The following CTNNA3 variants were observed in gnomAD, a reference collection of about 807,000 sequenced individuals.
CTNNA3 encodes catenin alpha-3.
In CTNNA3, 76 loss-of-function variants were observed where a neutral mutation model predicts 95.7. That is an observed-to-expected ratio of 0.79 (90% CI 0.66 to 0.96). The LOEUF is 0.96. Ranked by LOEUF, CTNNA3 falls within the 40% of genes least tolerant of loss-of-function variation. CTNNA3 has a pLI of 0.00. For missense variants in CTNNA3, 1,191 were observed against 1,089.8 expected, an observed-to-expected ratio of 1.09 and a Z score of -1.31; for synonymous variants, 431 against 374.4, an observed-to-expected ratio of 1.15 and a Z score of -1.74.
chr10:67,626,381 C>T (rs1386667529), intron 2 of CTNNA3, among the ~76,000 whole-genome samples: 2 of 151,996 alleles, frequency 1.3e-5, no homozygotes, highest in Non-Finnish European at 2.9e-5. Flanking sequence ...TTCTTTGTAC[C>T]TCTTTGGAGA....
At chr10:66,609,070 CT>C (rs1564566107) in intron 10 of CTNNA3, among the ~76,000 whole-genome samples, 2 of 150,074 alleles carry the variant, frequency 1.3e-5, no homozygotes, top group Non-Finnish European at 3.0e-5. Context: ...CTTTTTTTTT[CT>C]TTTTTTGAGA....
At chr10:66,665,574 A>T (rs1846422618) in intron 9 of CTNNA3, among the ~76,000 whole-genome samples, 1 of 152,158 alleles carries the variant, frequency 6.6e-6, no homozygotes, top group African/African-American at 2.4e-5. Flanking sequence ...TGAGTCTGAA[A>T]AAGTCAATTG....
At chr10:67,365,774 G>A (rs2132685037) in intron 5 of CTNNA3, among the ~76,000 whole-genome samples, 1 of 152,344 alleles carries the variant, frequency 6.6e-6, no homozygotes, top group South Asian at 2.1e-4. Flanking sequence ...TTACACTGTT[G>A]ATGGGAGTGT....
chr10:66,358,436 A>G (rs1265310358), intron 12 of CTNNA3, among the ~76,000 whole-genome samples: 1 of 152,150 alleles, frequency 6.6e-6, no homozygotes, highest in Non-Finnish European at 1.5e-5. Flanking sequence ...CCATTACTTT[A>G]CAGAGTCCTC....
At chr10:67,562,952 AAGG>A (rs1282005649) in intron 3 of CTNNA3, among the ~76,000 whole-genome samples, 1 of 152,150 alleles carries the variant, frequency 6.6e-6, no homozygotes, top group African/African-American at 2.4e-5. Context: ...GGATCTCTTC[AAGG>A]AGAACTACAA....
chr10:67,656,921 G>A (rs138846637), intron 1 of CTNNA3, among the ~76,000 whole-genome samples: 1 of 152,234 alleles, frequency 6.6e-6, no homozygotes, highest in East Asian at 1.9e-4. Context: ...AACATCAACT[G>A]TTTTATTTAG....
chr10:67,660,062 G>A (rs1179100117), intron 1 of CTNNA3, among the ~76,000 whole-genome samples: 1 of 152,168 alleles, frequency 6.6e-6, no homozygotes, highest in African/African-American at 2.4e-5. Flanking sequence ...CAAATAGTAT[G>A]TAACTGGGGA....
chr10:67,619,199 C>G (rs12572519), intron 2 of CTNNA3, among the ~76,000 whole-genome samples: 1 of 152,150 alleles, frequency 6.6e-6, no homozygotes, highest in South Asian at 2.1e-4. Context: ...AGGCATCATA[C>G]TACATGACTT....
intron 7 of CTNNA3, among the ~76,000 whole-genome samples, chr10:66,968,477 G>T (rs1447464823): frequency 1.3e-5 from 2 of 151,434 alleles, no homozygotes; most frequent in Non-Finnish European, 2.9e-5. Flanking sequence ...ACCACATTTA[G>T]GAAAGACAAA....
chr10:66,360,816 C>CCTTCCTTT (rs1491560905), intron 12 of CTNNA3, among the ~76,000 whole-genome samples: 31 of 50,260 alleles, frequency 6.2e-4, no homozygotes, highest in Middle Eastern at 0.015. Flanking sequence ...TTCCTTCCTT[C>CCTTCCTTT]CTTTCTTTCT....
intron 5 of CTNNA3, among the ~76,000 whole-genome samples, chr10:67,314,180 T>C (rs1191104180): frequency 6.6e-6 from 1 of 152,206 alleles, no homozygotes; most frequent in East Asian, 1.9e-4. Flanking sequence ...ATGCATAGTA[T>C]AGGCATTTAA....
chr10:67,662,718 G>A (rs552368372), intron 1 of CTNNA3, among the ~76,000 whole-genome samples: 6 of 152,336 alleles, frequency 3.9e-5, no homozygotes, highest in Middle Eastern at 3.4e-3. Context: ...TCAGTTGACT[G>A]CAGAAGGGCA....
chr10:66,810,470 C>T (rs1841829403), intron 7 of CTNNA3, among the ~76,000 whole-genome samples: 1 of 152,144 alleles, frequency 6.6e-6, no homozygotes, highest in Non-Finnish European at 1.5e-5. Context: ...GCTGATTCCA[C>T]TTCAGAAACA....
chr10:66,170,782 T>C (rs376432273), intron 13 of CTNNA3, among the ~76,000 whole-genome samples: 1 of 148,994 alleles, frequency 6.7e-6, no homozygotes, highest in Non-Finnish European at 1.5e-5. Flanking sequence ...GTTAGGAACA[T>C]ATGAAGGCAA....
intron 1 of CTNNA3, among the ~76,000 whole-genome samples, chr10:67,715,701 T>C (rs1310797662): frequency 6.6e-6 from 1 of 152,082 alleles, no homozygotes; most frequent in Non-Finnish European, 1.5e-5. Flanking sequence ...CCTAGTTACA[T>C]AGATTGAATA....
intron 10 of CTNNA3, among the ~76,000 whole-genome samples, chr10:66,579,934 A>G (rs1421406151): frequency 1.3e-5 from 2 of 151,536 alleles, no homozygotes; most frequent in Non-Finnish European, 1.5e-5. Flanking sequence ...AAGTTTGTCT[A>G]TGGTGTGATT....
At chr10:66,208,020 C>T (rs1195257124) in intron 13 of CTNNA3, among the ~76,000 whole-genome samples, 1 of 152,050 alleles carries the variant, frequency 6.6e-6, no homozygotes, top group Non-Finnish European at 1.5e-5. Flanking sequence ...CTGTCAGCAT[C>T]AGTGAACTTC....
intron 12 of CTNNA3, among the ~76,000 whole-genome samples, chr10:66,323,142 T>A (rs10822807): frequency 0.3 from 46,085 of 151,686 alleles, 8,009 homozygotes; most frequent in Non-Finnish European, 0.39. Context: ...TTTTAAAAAA[T>A]TTATTTTTAA....
chr10:67,511,104 G>C (rs1839611768), intron 5 of CTNNA3, among the ~76,000 whole-genome samples: 1 of 152,100 alleles, frequency 6.6e-6, no homozygotes, highest in African/African-American at 2.4e-5. Flanking sequence ...TGAGACAATG[G>C]GGTTTTCTAA....
Sources: allele counts gnomAD v4.1 joint callset (sites outside exome capture counted in the v4.1 genomes callset), GRCh38; gene constraint gnomAD v4.1.1; transcripts MANE v1.5; gene names NCBI Gene and HGNC (gene_info 2026-07-23, HGNC 2026-07-21).